The following ZNF184 variants were observed in gnomAD, a reference collection of about 807,000 sequenced individuals.
ZNF184 encodes the protein zinc finger protein 184 (Kruppel-like).
Under a neutral mutation model 54.4 loss-of-function variants are expected in ZNF184, and 16 were observed. The ratio of observed to expected loss-of-function variants is 0.29; its 90% CI spans 0.20 to 0.45. The LOEUF (loss-of-function observed/expected upper bound fraction) is 0.45. Among genes scored for constraint, ZNF184 ranks in the 20% least tolerant of loss-of-function variants. ZNF184 has a pLI of 1.00. For synonymous variants in ZNF184, 254 were observed against 295.3 expected, an observed-to-expected ratio of 0.86 and a Z score of 1.43; for missense variants, 681 against 888.2, an observed-to-expected ratio of 0.77 and a Z score of 2.97.
chr6:27,405,235 T>C, the ZNF184 span: 1 of 152,204 alleles, frequency 6.6e-6, no homozygotes, highest in Non-Finnish European at 1.5e-5. Context: ...ACAGAAGGTA[T>C]TCCAGAAGAA....
At chr6:27,424,872 CA>C in the ZNF184 span, among the ~76,000 whole-genome samples, 1 of 152,200 alleles carries the variant, frequency 6.6e-6, no homozygotes, top group Non-Finnish European at 1.5e-5. Flanking sequence ...CGCCGTGGAA[CA>C]GGGGGTGGCG....
chr6:27,419,057 T>C, the ZNF184 span, among the ~76,000 whole-genome samples: 1 of 152,096 alleles, frequency 6.6e-6, no homozygotes, highest in South Asian at 2.1e-4. The surrounding 1 kb of genome is among the most constrained non-coding windows in gnomAD (Gnocchi z 4.8). Flanking sequence ...TTTTTCTATA[T>C]TCACGGCTAA....
chr6:27,458,295 TA>T (rs55966783), intron 3 of ZNF184, among the ~76,000 whole-genome samples: 28,343 of 62,686 alleles, frequency 0.45, 4,601 homozygotes, highest in Middle Eastern at 0.66. Flanking sequence ...TTCTGCACAG[TA>T]AAAAAAAAAA....
rs532485151 is a variant in ZNF184 at position 27,469,958 on chromosome 6, A to C, written c.8-2038T>G. On this transcript the variant is annotated intron_variant, in intron 2 of 5. Coordinates refer to ENST00000683788, the MANE Select transcript of ZNF184 (RefSeq NM_001318891.2). ...AGTGGGGAACATGAAGAATAAAAAGAAAAGCTAAACAATCAAATGGACAGA... is the reference window on the plus strand; with the variant it reads ...AGTGGGGAACATGAAGAATAAAAAGCAAAGCTAAACAATCAAATGGACAGA... 2.1e-5 allele frequency among the ~76,000 whole-genome samples: 3 copies of C among 146,066 alleles called. No individual in the cohort carries two copies. In the South Asian group the frequency reaches 6.8e-4, roughly 33 times the overall value.
the ZNF184 span, among the ~76,000 whole-genome samples, chr6:27,424,301 T>A: frequency 1.3e-5 from 2 of 152,188 alleles, no homozygotes; most frequent in African/African-American, 4.8e-5. Context: ...GCACAAAGAG[T>A]AAGCAGCAGC....
rs537919034 is a variant in ZNF184, at chr6:27,472,002, A to G, written c.7+286T>C. 5.6e-4 allele frequency among the ~76,000 whole-genome samples: 85 copies of G among 152,334 alleles called. No homozygotes were observed. Among genetic ancestry groups the G allele is most frequent in the Middle Eastern group, 3.4e-3 (1 of 294 alleles). On this transcript the variant is annotated intron_variant, in intron 2 of 5. Transcript: ENST00000683788. The surrounding 1 kb of genome is among the most constrained non-coding windows in gnomAD (Gnocchi z 4.8). ...GATGTCTTCTGACTTCAAGATTATAATTTTAATATTTAATATTCAGAAGTC... is the reference window on the plus strand; with the variant it reads ...GATGTCTTCTGACTTCAAGATTATAGTTTTAATATTTAATATTCAGAAGTC...
At chr6:27,456,755 A>G in intron 5 of ZNF184, 71 bp downstream of exon 5, 8 of 1,297,776 alleles carry the variant, frequency 6.2e-6, no homozygotes, top group Non-Finnish European at 8.8e-6. Flanking sequence ...TACACTTCAG[A>G]CATAAAATCC....
the ZNF184 span, among the ~76,000 whole-genome samples, chr6:27,437,249 G>A: frequency 1.7e-4 from 26 of 152,262 alleles, no homozygotes; most frequent in Non-Finnish European, 2.9e-4. Flanking sequence ...GCCTAACCTG[G>A]TCAAATGAGC....
In ZNF184 at chr6:27,452,304, C is replaced by T. The variant is rs866935240; in HGVS notation, c.1255G>A (p.Glu419Lys). Residue 419 changes from glutamate (E) to lysine (K), a missense_variant, in exon 6 of 6, where the codon GAA (glutamate) becomes AAA (lysine). Physicochemically the swap from Glu to Lys is moderately conservative, Grantham distance 56 (BLOSUM62 1). Transcript: ENST00000683788. This position sits in a 1 kb window ranked among gnomAD's most constrained non-coding sequence, Gnocchi z 5.5. ...AAGGCTTTCCCACATTCATTGCATTCGTACGGTTTTTCACCAGTATGAATC... is the reference window on the plus strand; with the variant it reads ...AAGGCTTTCCCACATTCATTGCATTTGTACGGTTTTTCACCAGTATGAATC... ...HMIHTGEKPY[E>K]CNECGKAFSQ... 8.1e-6 allele frequency: 13 copies of T among 1,613,228 alleles called. No individual in the cohort carries two copies. The highest frequency in any genetic ancestry group is 2.2e-5 in the East Asian group (1 of 44,824).
At chr6:27,437,974 G>A in the ZNF184 span, among the ~76,000 whole-genome samples, 5 of 152,138 alleles carry the variant, frequency 3.3e-5, no homozygotes, top group African/African-American at 1.2e-4. Context: ...ATCACTCTAT[G>A]CCATGTATCC....
chr6:27,433,882 CCCTTCCTT>C, the ZNF184 span, among the ~76,000 whole-genome samples: 1 of 142,690 alleles, frequency 7.0e-6, no homozygotes. Context: ...TCCTTCCTTC[CCCTTCCTT>C]CCTTCCTTTC....
Position 27,451,584 on chromosome 6 carries a change from G to C in ZNF184, c.1975C>G (p.Gln659Glu). The change falls in exon 6 of 6, where the codon CAG becomes GAG. Residue 659 changes from glutamine (Q) to glutamate (E), a missense_variant. Coordinates refer to ENST00000683788, the MANE Select transcript of ZNF184 (RefSeq NM_001318891.2). ...TCCCCAGTGTGAATTCGTTGATGCTGAGTTAGATGGGAGCTCTGGCTAAAG... is the reference window on the plus strand; with the variant it reads ...TCCCCAGTGTGAATTCGTTGATGCTCAGTTAGATGGGAGCTCTGGCTAAAG... Reference protein sequence around the residue: ...KTFSQSSHLTQHQRIHTGEKP... With the variant: ...KTFSQSSHLTEHQRIHTGEKP... 1 of 1,614,178 alleles carries C rather than the reference G, an allele frequency of 6.2e-7. No homozygotes were observed. The highest frequency in any genetic ancestry group is 8.5e-7 in the Non-Finnish European group (1 of 1,180,026).
At chr6:27,423,340 ATTTCTT>A in the ZNF184 span, among the ~76,000 whole-genome samples, 1 of 152,038 alleles carries the variant, frequency 6.6e-6, no homozygotes, top group African/African-American at 2.4e-5. Flanking sequence ...GCTTCTTTTC[ATTTCTT>A]TTTCTAACAA....
chr6:27,422,741 G>A, the ZNF184 span, among the ~76,000 whole-genome samples: 1 of 152,106 alleles, frequency 6.6e-6, no homozygotes, highest in African/African-American at 2.4e-5. Flanking sequence ...ACGCCATACA[G>A]TTACTATCTG....
At chr6:27,465,170 AAAAGAAAAGAAAAG>A (rs1763098908) in intron 3 of ZNF184, among the ~76,000 whole-genome samples, 2 of 138,890 alleles carry the variant, frequency 1.4e-5, no homozygotes, top group Admixed American at 1.4e-4. Flanking sequence ...ATTTAAAAAA[AAAAGAAAAGAAAAG>A]AAAAGAAAAG....
At chr6:27,427,775 G>A in the ZNF184 span, among the ~76,000 whole-genome samples, 3 of 152,298 alleles carry the variant, frequency 2.0e-5, no homozygotes, top group Admixed American at 6.5e-5. Flanking sequence ...TGGCTACCAC[G>A]TTTGGTGGTG....
intron 3 of ZNF184, among the ~76,000 whole-genome samples, chr6:27,461,207 A>G (rs939039388): frequency 6.6e-6 from 1 of 152,172 alleles, no homozygotes; most frequent in African/African-American, 2.4e-5. Context: ...CCCTGGGTAG[A>G]CATTCTTCAT....
the ZNF184 span, among the ~76,000 whole-genome samples, chr6:27,424,298 G>C: frequency 3.9e-4 from 59 of 152,340 alleles, 1 homozygote; most frequent in African/African-American, 1.3e-3. Flanking sequence ...TGAGCACAAA[G>C]AGTAAGCAGC....
In ZNF184 at chr6:27,451,652, TGA is replaced by T; in HGVS notation, c.1905_1906del (p.Thr637ArgfsTer8). ...ACACTGGTAGGGTTTTTCTTCTGTG[TGA>T]GTTTTTTGATGTTGAGCAAGAGATG... On this transcript the variant is annotated frameshift_variant, in exon 6 of 6. Transcript: ENST00000683788. LOFTEE classifies it low-confidence loss of function (END_TRUNC). The T allele has an allele frequency of 1.2e-6, 2 of 1,614,126 alleles. No homozygotes were observed. The highest frequency in any genetic ancestry group is 1.7e-6 in the Non-Finnish European group (2 of 1,179,992).
Sources: allele counts gnomAD v4.1 joint callset (sites outside exome capture counted in the v4.1 genomes callset), GRCh38; gene constraint gnomAD v4.1.1; non-coding constraint Gnocchi (gnomAD v3.1); transcripts MANE v1.5; gene names NCBI Gene and HGNC (gene_info 2026-07-23, HGNC 2026-07-21).